Variants in FOXN2 observed in about 807,000 individuals in gnomAD.
FOXN2 encodes forkhead box N2.
FOXN2 carries 19 observed loss-of-function variants against 41.2 expected under a neutral mutation model. That is an observed-to-expected ratio of 0.46 (90% CI 0.32 to 0.68). The LOEUF (loss-of-function observed/expected upper bound fraction) is 0.68. FOXN2 is among the 30% of genes least tolerant of loss of function. The probability of loss-of-function intolerance (pLI) is 0.03; values close to 1 mark genes in which losing one functional copy is unlikely to be tolerated. For missense variants in FOXN2, 587 were observed against 509.4 expected (o/e 1.15, Z -1.47); for synonymous variants, 195 against 176.8 (o/e 1.10, Z -0.82).
intron 1 of FOXN2, among the ~76,000 whole-genome samples, chr2:48,319,475 C>A (rs2104059788): frequency 6.6e-6 from 1 of 152,068 alleles, no homozygotes. Context: ...GTAAAGATTT[C>A]AGTTAATATT....
In FOXN2 at chr2:48,375,538, A is replaced by T; in HGVS notation, c.*95A>T. The T allele has an allele frequency of 8.2e-7, 1 of 1,213,584 alleles. No homozygotes were observed. Among genetic ancestry groups the T allele is most frequent in the Non-Finnish European group, 1.1e-6 (1 of 894,076 alleles). 75.2% of individuals were successfully genotyped at this position (1,213,584 alleles called of 1,614,324 possible). A position where few individuals can be genotyped will look rare whatever the true frequency, so the allele number is the denominator to read the frequency against. ...TCATTAGTTTTAGGGTAGGGAAGGG[A>T]TACTAATTACTTATTTCTTTCAAAA... On this transcript the variant is annotated 3_prime_UTR_variant, in exon 7 of 7. Coordinates refer to ENST00000340553, the MANE Select transcript of FOXN2 (RefSeq NM_002158.4).
chr2:48,354,606 A>G (rs1287877802), intron 3 of FOXN2, among the ~76,000 whole-genome samples: 1 of 152,226 alleles, frequency 6.6e-6, no homozygotes, highest in African/African-American at 2.4e-5. Context: ...CTCAAAAACA[A>G]AAAAAAGTGC....
In FOXN2 at chr2:48,359,050, A is replaced by C. The variant is rs1358505626; in HGVS notation, c.541A>C (p.Asn181His). The change falls in exon 4 of 7, where the codon AAT becomes CAT. Residue 181 changes from asparagine (N) to histidine (H), a missense_variant. Coordinates refer to ENST00000340553, the MANE Select transcript of FOXN2 (RefSeq NM_002158.4). The part of the protein sequence containing the change: ...QKVERSHGKV[N>H]GKGSLWCVDP... ...ATTCTTGTGCATTTTATTCTAGGTTAATGGAAAAGGTTCCTTATGGTGTGT... is the reference window on the plus strand; with the variant it reads ...ATTCTTGTGCATTTTATTCTAGGTTCATGGAAAAGGTTCCTTATGGTGTGT... 1 of 1,611,120 alleles carries C rather than the reference A, an allele frequency of 6.2e-7. No individual in the cohort carries two copies. The highest frequency in any genetic ancestry group is 2.2e-5 in the East Asian group (1 of 44,730).
intron 3 of FOXN2, among the ~76,000 whole-genome samples, chr2:48,347,668 A>C (rs559085643): frequency 1.3e-5 from 2 of 152,264 alleles, no homozygotes; most frequent in African/African-American, 4.8e-5. Context: ...CCACCTTCAA[A>C]TAATATTATA....
intron 1 of FOXN2, among the ~76,000 whole-genome samples, chr2:48,318,823 G>C (rs554203000): frequency 1.3e-5 from 2 of 152,228 alleles, no homozygotes; most frequent in African/African-American, 2.4e-5. Flanking sequence ...CTTAGGTCTT[G>C]ATTTCGTTAA....
intron 1 of FOXN2, among the ~76,000 whole-genome samples, chr2:48,321,022 T>G (rs898329562): frequency 2.0e-5 from 3 of 152,180 alleles, no homozygotes; most frequent in Non-Finnish European, 4.4e-5. Context: ...TTTTTTTAAC[T>G]TGCCCCAAAG....
At chr2:48,329,483 C>G (rs1054912102) in intron 2 of FOXN2, among the ~76,000 whole-genome samples, 1 of 152,006 alleles carries the variant, frequency 6.6e-6, no homozygotes, top group Non-Finnish European at 1.5e-5. Flanking sequence ...TGAGACAGAT[C>G]TTTGACCCTT....
intron 4 of FOXN2, among the ~76,000 whole-genome samples, chr2:48,360,971 G>C (rs557174750): frequency 5.8e-4 from 86 of 149,206 alleles, no homozygotes; most frequent in African/African-American, 2.1e-3. Context: ...CCAAGATGGT[G>C]CTACTGCACT....
In FOXN2 at chr2:48,376,452, G is replaced by C. The variant is rs1673254398; in HGVS notation, c.*1009G>C. ...AGGAAAAAACTTCTGTCCAAGCTTT[G>C]TATGAATTAAATTCATAAGTATACC... is the stretch of plus-strand genomic sequence containing the variant. On this transcript the variant is annotated 3_prime_UTR_variant, in exon 7 of 7. Transcript: ENST00000340553. 6.6e-6 allele frequency: 1 copy of C among 152,348 alleles called. No homozygotes were observed. Among genetic ancestry groups the C allele is most frequent in the Non-Finnish European group, 1.5e-5 (1 of 67,958 alleles). 9.4% of individuals were successfully genotyped at this position (152,348 alleles called of 1,614,324 possible).
chr2:48,328,338 C>G (rs56352447), intron 1 of FOXN2, among the ~76,000 whole-genome samples: 46,799 of 152,052 alleles, frequency 0.31, 7,975 homozygotes, highest in East Asian at 0.52. Flanking sequence ...GCTCAAGTTT[C>G]TTGTATTACA....
intron 1 of FOXN2, among the ~76,000 whole-genome samples, chr2:48,319,567 C>A (rs183258452): frequency 6.6e-6 from 1 of 151,330 alleles, no homozygotes; most frequent in East Asian, 1.9e-4. Context: ...GTCATTAATA[C>A]ACTTTAAATT....
intron 4 of FOXN2, among the ~76,000 whole-genome samples, chr2:48,361,197 T>C (rs1476315169): frequency 1.3e-5 from 2 of 152,132 alleles, no homozygotes; most frequent in African/African-American, 4.8e-5. Context: ...TCAGGTGAGG[T>C]GGCTCAAGCT....
chr2:48,353,659 C>G (rs1165213347), intron 3 of FOXN2, among the ~76,000 whole-genome samples: 1 of 150,254 alleles, frequency 6.7e-6, no homozygotes, highest in Non-Finnish European at 1.5e-5. Flanking sequence ...AGCTCAGCAT[C>G]TTTTTTCATC....
intron 1 of FOXN2, among the ~76,000 whole-genome samples, chr2:48,318,080 AT>A (rs1230264546): frequency 6.6e-6 from 1 of 152,074 alleles, no homozygotes; most frequent in Non-Finnish European, 1.5e-5. Context: ...TAAACTTTTT[AT>A]TTTAGAATAG....
chr2:48,371,446 T>C (rs1006757186), intron 5 of FOXN2, among the ~76,000 whole-genome samples: 1 of 152,170 alleles, frequency 6.6e-6, no homozygotes, highest in Non-Finnish European at 1.5e-5. Flanking sequence ...CCAGGTTCTC[T>C]ATTCTGTTCC....
chr2:48,346,437 G>T lies in FOXN2; in HGVS notation c.223G>T (p.Gly75Ter). Residue 75 changes from glycine (G) to a stop codon, truncating the protein, a stop_gained, in exon 3 of 7, where the codon GGA becomes TGA. Coordinates refer to ENST00000340553, the MANE Select transcript of FOXN2 (RefSeq NM_002158.4). LOFTEE classifies it high-confidence loss of function. ...STNLLTNFSL[G>*]SEGLPIVSPL... ...TAATCTTCTAACAAACTTCAGCCTC[G>T]GAAGTGAGGGTCTTCCAATTGTTAG... 1 of 1,614,116 alleles carries T rather than the reference G, an allele frequency of 6.2e-7. No individual in the cohort carries two copies. The highest frequency in any genetic ancestry group is 8.5e-7 in the Non-Finnish European group (1 of 1,180,032).
rs1454019771 is a variant in FOXN2, at chr2:48,379,181, T to C, written c.*3738T>C. The C allele has an allele frequency of 1.3e-5, 2 of 152,630 alleles. No homozygotes were observed. Among genetic ancestry groups the C allele is most frequent in the African/African-American group, 4.8e-5 (2 of 41,472 alleles). The allele number at this position is 152,630 out of a possible 1,614,324, so 9.5% of individuals were successfully genotyped here. A position where few individuals can be genotyped will look rare whatever the true frequency, so the allele number is the denominator to read the frequency against. On this transcript the variant is annotated 3_prime_UTR_variant, in exon 7 of 7. Transcript: ENST00000340553. Reference sequence around the variant, plus strand: ...CATATTAAAAACAACTTACAAATACTTAGTTTTTGTATCTAATCTCTGATT... The same window carrying C: ...CATATTAAAAACAACTTACAAATACCTAGTTTTTGTATCTAATCTCTGATT...
At chr2:48,338,532 G>C (rs1228236399) in intron 2 of FOXN2, among the ~76,000 whole-genome samples, 1 of 152,010 alleles carries the variant, frequency 6.6e-6, no homozygotes, top group Admixed American at 6.6e-5. Flanking sequence ...CTCCCCAGCA[G>C]CCGGGACCAC....
chr2:48,338,882 A>G, intron 2 of FOXN2, among the ~76,000 whole-genome samples: 1 of 152,174 alleles, frequency 6.6e-6, no homozygotes, highest in East Asian at 1.9e-4. Context: ...GAAAGTAAAG[A>G]AATTTCTTAC....
Sources: allele counts gnomAD v4.1 joint callset (sites outside exome capture counted in the v4.1 genomes callset), GRCh38; gene constraint gnomAD v4.1.1; transcripts MANE v1.5; gene names NCBI Gene and HGNC (gene_info 2026-07-23, HGNC 2026-07-21).